The following PAK5 variants were observed in gnomAD, a reference collection of about 807,000 sequenced individuals.
PAK5 encodes serine/threonine-protein kinase PAK 5.
PAK5 carries 16 observed loss-of-function variants against 65.9 expected under a neutral mutation model. The observed-to-expected ratio is 0.24, with a 90% confidence interval of 0.16 to 0.37. The LOEUF (loss-of-function observed/expected upper bound fraction) is 0.37, where lower values mean the gene tolerates loss of function less well. PAK5 is among the 10% of genes least tolerant of loss of function. The pLI is 1.00. For missense variants in PAK5, 785 were observed against 903.9 expected, an observed-to-expected ratio of 0.87 and a Z score of 1.69; for synonymous variants, 371 against 354.9, an observed-to-expected ratio of 1.05 and a Z score of -0.51.
rs777008824 is a variant in PAK5 at position 9,566,221 on chromosome 20, T to G, written c.1154A>C (p.His385Pro). 13 of 1,613,240 alleles carry G rather than the reference T, an allele frequency of 8.1e-6. No homozygotes were observed. The South Asian group carries it at 1.4e-4, about 18-fold the overall frequency. ...CTGCGAACTGCTCTGCAGGGAGGGG[T>G]GATGGTACAAGGTGGCTTTGTGGTA... ...SGYHKATLYH[H>P]PSLQSSSQYI... The change falls in exon 5 of 10, where the codon CAC becomes CCC. Residue 385 changes from histidine to proline, a missense_variant. Transcript: ENST00000353224.
chr20:9,755,993 T>G (rs751871733), intron 1 of PAK5, among the ~76,000 whole-genome samples: 6 of 152,102 alleles, frequency 3.9e-5, no homozygotes, highest in Non-Finnish European at 8.8e-5. Context: ...CATAGCTCCA[T>G]GAAGATAGGG....
intron 1 of PAK5, among the ~76,000 whole-genome samples, chr20:9,758,469 C>T (rs1198477049): frequency 6.6e-6 from 1 of 152,160 alleles, no homozygotes; most frequent in Admixed American, 6.6e-5. Flanking sequence ...CATGGGCTAG[C>T]TCAATTCCCA....
chr20:9,765,981 TG>T (rs1569078706), intron 1 of PAK5, among the ~76,000 whole-genome samples: 3 of 152,078 alleles, frequency 2.0e-5, no homozygotes, highest in African/African-American at 7.2e-5. Flanking sequence ...CCCAGCACTT[TG>T]GGAGGCCCAG....
chr20:9,539,328 G>T lies in PAK5; in HGVS notation c.*134C>A. 1 of 799,598 alleles carries T rather than the reference G, an allele frequency of 1.3e-6. No homozygotes were observed. Among genetic ancestry groups the T allele is most frequent in the Non-Finnish European group, 2.1e-6 (1 of 483,622 alleles). The allele number at this position is 799,598 out of a possible 1,614,324, so 49.5% of individuals were successfully genotyped here. A position where few individuals can be genotyped will look rare whatever the true frequency, so the allele number is the denominator to read the frequency against. ...AAGATGCCCTGGTCTGTTGAACCCT[G>T]CCGGTCATCACGCTGTCCCACCAAT... On this transcript the variant is annotated 3_prime_UTR_variant, in exon 10 of 10. Transcript: ENST00000353224.
chr20:9,759,098 G>A (rs1250774601), intron 1 of PAK5, among the ~76,000 whole-genome samples: 1 of 152,100 alleles, frequency 6.6e-6, no homozygotes, highest in African/African-American at 2.4e-5. Context: ...CATTCAATAT[G>A]AGAACACAAT....
intron 2 of PAK5, among the ~76,000 whole-genome samples, chr20:9,687,339 A>G (rs147834949): frequency 6.6e-6 from 1 of 152,202 alleles, no homozygotes; most frequent in Non-Finnish European, 1.5e-5. Context: ...TCCCTCCTGG[A>G]TATCTTCAAA....
intron 2 of PAK5, among the ~76,000 whole-genome samples, chr20:9,667,798 T>C (rs2047440146): frequency 6.6e-6 from 1 of 152,164 alleles, no homozygotes; most frequent in Non-Finnish European, 1.5e-5. Context: ...TGCAGATTTA[T>C]GTATGTGTGT....
chr20:9,799,939 CAA>C (rs71331383), intron 1 of PAK5, among the ~76,000 whole-genome samples: 34 of 43,660 alleles, frequency 7.8e-4, no homozygotes, highest in African/African-American at 2.3e-3. Flanking sequence ...ACTCTGTCTC[CAA>C]AAAAAAAAAA....
At position 9,699,910 on chromosome 20, in the gene PAK5, C is replaced by T. The variant is rs114996367; in HGVS notation, c.-12+11376G>A. ...GCAAATGGGGATACTTAAGAACCTCCTTCAAATTACTAAGCAGTTACCCCT... is the reference window on the plus strand; with the variant it reads ...GCAAATGGGGATACTTAAGAACCTCTTTCAAATTACTAAGCAGTTACCCCT... On this transcript the variant is annotated intron_variant, in intron 2 of 9. Transcript: ENST00000353224. Among the ~76,000 whole-genome samples the T allele has an allele frequency of 4.5e-3, 682 of 152,240 alleles. 3 individuals carry two copies. Among genetic ancestry groups the T allele is most frequent in the African/African-American group, 0.013 (551 of 41,554 alleles).
chr20:9,601,619 G>A (rs543401546), intron 3 of PAK5, among the ~76,000 whole-genome samples: 8 of 152,270 alleles, frequency 5.3e-5, no homozygotes, highest in African/African-American at 1.9e-4. Flanking sequence ...CTCACCGTCT[G>A]CATGTGACTT....
chr20:9,703,307 T>G (rs1031906200), intron 2 of PAK5, among the ~76,000 whole-genome samples: 2 of 152,188 alleles, frequency 1.3e-5, no homozygotes, highest in Non-Finnish European at 2.9e-5. Context: ...GTATGGTGAA[T>G]GTACCTGATA....
intron 2 of PAK5, among the ~76,000 whole-genome samples, chr20:9,673,812 C>A (rs2047532758): frequency 1.3e-5 from 2 of 152,194 alleles, no homozygotes; most frequent in South Asian, 4.1e-4. Context: ...CACAATCCTA[C>A]CGCATGGAAG....
At chr20:9,714,064 A>G (rs1179823739) in intron 1 of PAK5, among the ~76,000 whole-genome samples, 1 of 152,164 alleles carries the variant, frequency 6.6e-6, no homozygotes, top group Non-Finnish European at 1.5e-5. Flanking sequence ...GGATATCTCA[A>G]TTACCTTGAC....
chr20:9,689,644 C>T (rs2047765550), intron 2 of PAK5, among the ~76,000 whole-genome samples: 1 of 152,192 alleles, frequency 6.6e-6, no homozygotes, highest in South Asian at 2.1e-4. Context: ...GAAGCTATTT[C>T]GGTAACTTGA....
At chr20:9,574,051 A>C (rs908311038) in intron 4 of PAK5, among the ~76,000 whole-genome samples, 1 of 152,210 alleles carries the variant, frequency 6.6e-6, no homozygotes, top group African/African-American at 2.4e-5. Flanking sequence ...GACTCAAAGG[A>C]AAATTTAACA....
chr20:9,596,504 T>C (rs966478537), intron 3 of PAK5, among the ~76,000 whole-genome samples: 33 of 151,694 alleles, frequency 2.2e-4, no homozygotes, highest in Non-Finnish European at 3.8e-4. Flanking sequence ...GGCGTGGTGG[T>C]GGGCGCCTAT....
At chr20:9,719,094 T>A (rs1455896689) in intron 1 of PAK5, among the ~76,000 whole-genome samples, 1 of 152,186 alleles carries the variant, frequency 6.6e-6, no homozygotes. Flanking sequence ...TGGAATAAGG[T>A]ATGTTCTGTG....
intron 3 of PAK5, among the ~76,000 whole-genome samples, chr20:9,631,725 T>C (rs185223719): frequency 1.3e-5 from 2 of 152,304 alleles, no homozygotes; most frequent in African/African-American, 2.4e-5. Context: ...AGAAAGCTGA[T>C]ATGAAGGTTC....
chr20:9,542,925 T>G (rs1422218927), intron 8 of PAK5, among the ~76,000 whole-genome samples: 1 of 152,256 alleles, frequency 6.6e-6, no homozygotes, highest in African/African-American at 2.4e-5. Flanking sequence ...TCAGTGAAGG[T>G]TCCACCCATC....
Sources: gnomAD v4.1 joint callset for allele counts (sites outside exome capture counted in the v4.1 genomes callset) on GRCh38, gnomAD v4.1.1 for gene constraint, MANE v1.5 for transcripts, NCBI Gene and HGNC (gene_info 2026-07-23, HGNC 2026-07-21) for gene names.